SCN2A: variants seen among roughly 807,000 people sequenced by gnomAD.
SCN2A encodes the protein sodium channel protein type 2 subunit alpha.
In SCN2A, 20 loss-of-function variants were observed where a neutral mutation model predicts 188.7. The observed-to-expected ratio is 0.11, with a 90% CI of 0.07 to 0.15. The LOEUF is 0.15. Among genes scored for constraint, SCN2A ranks in the 10% least tolerant of loss-of-function variants. The pLI, the probability that SCN2A is intolerant of heterozygous loss-of-function variation, is 1.00. For synonymous variants in SCN2A, 804 were observed against 833.1 expected (o/e 0.97, Z 0.60); for missense variants, 1,278 against 2,445.0 (o/e 0.52, Z 10.07).
intron 19 of SCN2A, among the ~76,000 whole-genome samples, chr2:165,369,107 G>A (rs1700887735): frequency 6.6e-6 from 1 of 151,984 alleles, no homozygotes; most frequent in African/African-American, 2.4e-5. Flanking sequence ...TGTACTTTTA[G>A]TAATAGAGAC....
At chr2:165,262,370 C>G (rs1211826418) in intron 1 of SCN2A, among the ~76,000 whole-genome samples, 2 of 152,038 alleles carry the variant, frequency 1.3e-5, no homozygotes, top group African/African-American at 4.8e-5. Flanking sequence ...CTCTCACCCC[C>G]TCCCACCATT....
At chr2:165,362,687 G>A (rs1700522793) in intron 17 of SCN2A, among the ~76,000 whole-genome samples, 1 of 151,934 alleles carries the variant, frequency 6.6e-6, no homozygotes, top group Admixed American at 6.6e-5. Context: ...TATCCATATT[G>A]GTGTATTATC....
At chr2:165,371,029 C>G (rs1196752207) in intron 20 of SCN2A, 3 of 152,050 alleles carry the variant, frequency 2.0e-5, no homozygotes, top group Non-Finnish European at 4.4e-5. Context: ...GAAAATGCAC[C>G]AAAACTATAA....
Position 165,315,456 on chromosome 2 carries a change from T to C in SCN2A, c.1384-15T>C. ...AAGTTTATATGCAACTTCCACATAC[T>C]TTGCGCCCTTCTAGGCGGCAGCTGC... is the stretch of plus-strand genomic sequence containing the variant. On this transcript the variant is annotated splice_polypyrimidine_tract_variant and intron_variant, in intron 10 of 26. Coordinates refer to ENST00000375437, the MANE Select transcript of SCN2A (RefSeq NM_001040142.2). 4 of 1,613,696 alleles carry C rather than the reference T, an allele frequency of 2.5e-6. No individual in the cohort carries two copies. The highest frequency in any genetic ancestry group is 3.4e-6 in the Non-Finnish European group (4 of 1,179,710).
chr2:165,239,619 T>C lies in SCN2A; in HGVS notation c.-73T>C. On this transcript the variant is annotated 5_prime_UTR_variant, in exon 1 of 27. Transcript: ENST00000375437. ...CACATACGTGGATTCTGTGTTATGA[T>C]TTACATTTTTCTTTATTTCAGGTAA... 2.0e-6 allele frequency: 2 copies of C among 983,700 alleles called. No homozygotes were observed. The highest frequency in any genetic ancestry group is 2.4e-6 in the Non-Finnish European group (2 of 828,356). 60.9% of individuals were successfully genotyped at this position (983,700 alleles called of 1,614,324 possible).
intron 1 of SCN2A, among the ~76,000 whole-genome samples, chr2:165,260,581 G>A (rs1694544302): frequency 6.6e-6 from 1 of 152,092 alleles, no homozygotes; most frequent in Non-Finnish European, 1.5e-5. Context: ...TCAACTGAAA[G>A]TCACCAGCTG....
In SCN2A at chr2:165,315,682, TAAG is replaced by T; in HGVS notation, c.1601_1603del (p.Arg534del). On this transcript the variant is annotated inframe_deletion, in exon 11 of 27. Coordinates refer to ENST00000375437, the MANE Select transcript of SCN2A (RefSeq NM_001040142.2). Reference sequence around the variant, plus strand: ...CGAAAATCGGAATCTGAAGACAGCATAAGAAGAAAAGGTTTCCGTTTTTCCTTG... The same window carrying T: ...CGAAAATCGGAATCTGAAGACAGCATAAGAAAAGGTTTCCGTTTTTCCTTG... The T allele has an allele frequency of 6.2e-7, 1 of 1,613,922 alleles. No individual in the cohort carries two copies. The highest frequency in any genetic ancestry group is 8.5e-7 in the Non-Finnish European group (1 of 1,179,932).
At chr2:165,325,641 T>G (rs2105281847) in intron 12 of SCN2A, among the ~76,000 whole-genome samples, 1 of 152,228 alleles carries the variant, frequency 6.6e-6, no homozygotes, top group East Asian at 1.9e-4. Flanking sequence ...TTTTTTTCCT[T>G]AAAACTTTGC....
intron 14 of SCN2A, among the ~76,000 whole-genome samples, chr2:165,334,950 AT>A (rs1456392685): frequency 6.6e-6 from 1 of 151,738 alleles, no homozygotes; most frequent in Non-Finnish European, 1.5e-5. Context: ...ACTCAATTAT[AT>A]TTCTAAACAC....
chr2:165,243,608 A>G (rs1693716846), intron 1 of SCN2A: 1 of 151,994 alleles, frequency 6.6e-6, no homozygotes, highest in Non-Finnish European at 1.5e-5. Context: ...TTAAAAAAAA[A>G]AAAAAAAAGT....
At chr2:165,383,658 C>T (rs1269897561) in intron 25 of SCN2A, among the ~76,000 whole-genome samples, 1 of 152,094 alleles carries the variant, frequency 6.6e-6, no homozygotes, top group Non-Finnish European at 1.5e-5. Context: ...TAGCCTGAAC[C>T]ATAGCAATGT....
chr2:165,334,927 A>G (rs1276902284), intron 14 of SCN2A, among the ~76,000 whole-genome samples: 2 of 151,716 alleles, frequency 1.3e-5, no homozygotes. Context: ...AGAATACAAG[A>G]TCAATATACA....
At chr2:165,245,260 C>G (rs1383688386) in intron 1 of SCN2A, 1 of 152,138 alleles carries the variant, frequency 6.6e-6, no homozygotes, top group Non-Finnish European at 1.5e-5. Flanking sequence ...AATTTAATCA[C>G]GGGGGTGGTT....
rs1370846961 is a variant in SCN2A, at chr2:165,388,726, C to A, written c.4920C>A (p.Ile1640=). 1 of 1,613,832 alleles carries A rather than the reference C, an allele frequency of 6.2e-7. No homozygotes were observed. The highest frequency in any genetic ancestry group is 8.5e-7 in the Non-Finnish European group (1 of 1,179,914). ...GGATTGGCCGAATCCTACGTCTGAT[C>A]AAAGGAGCAAAGGGGATCCGCACGC... ...LARIGRILRL[I]KGAKGIRTLL... is the part of the protein sequence containing the mutation. Residue 1640 remains isoleucine, a synonymous_variant, in exon 27 of 27, where the codon ATC becomes ATA. Transcript: ENST00000375437.
At position 165,323,520 on chromosome 2, in the gene SCN2A, C is replaced by G. The variant is rs756551023; in HGVS notation, c.2016+20C>G. On this transcript the variant is annotated intron_variant, in intron 12 of 26. Coordinates refer to ENST00000375437, the MANE Select transcript of SCN2A (RefSeq NM_001040142.2). Reference sequence around the variant, plus strand: ...CCAGAGGTGAGGCCAATTAAAATTGCAGCTGATGTGAAGAGAGTTGTGACT... The same window carrying G: ...CCAGAGGTGAGGCCAATTAAAATTGGAGCTGATGTGAAGAGAGTTGTGACT... The G allele has an allele frequency of 6.3e-7, 1 of 1,593,524 alleles. No homozygotes were observed. Among genetic ancestry groups the G allele is most frequent in the Non-Finnish European group, 8.6e-7 (1 of 1,167,280 alleles).
chr2:165,338,557 G>T (rs1427953098), intron 14 of SCN2A, among the ~76,000 whole-genome samples: 2 of 152,046 alleles, frequency 1.3e-5, no homozygotes, highest in African/African-American at 2.4e-5. Context: ...ACCACGCCGG[G>T]CCAGAACATT....
intron 1 of SCN2A, among the ~76,000 whole-genome samples, chr2:165,276,144 C>A (rs1188656112): frequency 1.3e-5 from 2 of 152,098 alleles, no homozygotes; most frequent in African/African-American, 4.8e-5. Context: ...AAAATTACTG[C>A]CTTTTTTTGT....
At chr2:165,314,666 C>A (rs1467793475) in intron 10 of SCN2A, among the ~76,000 whole-genome samples, 1 of 152,162 alleles carries the variant, frequency 6.6e-6, no homozygotes, top group African/African-American at 2.4e-5. Flanking sequence ...AAAACATTAG[C>A]ACTCTCTGCC....
chr2:165,275,346 C>T (rs1316774934), intron 1 of SCN2A, among the ~76,000 whole-genome samples: 1 of 152,168 alleles, frequency 6.6e-6, no homozygotes, highest in Non-Finnish European at 1.5e-5. Flanking sequence ...TTCTCCTCCC[C>T]AACCCTGATT....
Sources: allele counts gnomAD v4.1 joint callset (sites outside exome capture counted in the v4.1 genomes callset), GRCh38; gene constraint gnomAD v4.1.1; transcripts MANE v1.5; gene names NCBI Gene and HGNC (gene_info 2026-07-23, HGNC 2026-07-21).